GPC5: variants seen among roughly 807,000 people sequenced by gnomAD.
GPC5 encodes glypican 5.
A neutral mutation model predicts 53.9 loss-of-function variants in GPC5; 47 were observed. The observed-to-expected ratio is 0.87, with a 90% CI of 0.69 to 1.11. GPC5 has a LOEUF of 1.11. GPC5 is among the 50% of genes most tolerant of loss of function. The probability of loss-of-function intolerance (pLI) is 0.00; values close to 1 mark genes in which losing one functional copy is unlikely to be tolerated. For missense variants in GPC5, 748 were observed against 713.1 expected (o/e 1.05, Z -0.56); for synonymous variants, 286 against 263.3 (o/e 1.09, Z -0.84).
At chr13:92,487,919 T>A (rs1387238253) in intron 7 of GPC5, among the ~76,000 whole-genome samples, 1 of 149,920 alleles carries the variant, frequency 6.7e-6, no homozygotes, top group Non-Finnish European at 1.5e-5. Context: ...TGAGAAGAGG[T>A]AAGGATTAGT....
rs148462929 is a variant in GPC5, at chr13:91,934,595, T to C, written c.1401+26538T>C. The stretch of plus-strand genomic sequence containing the variant: ...AAGTTTTGTTTTGAAACAGAATAGA[T>C]AGCAGCTGAAGAATTTACACTGACT... On this transcript the variant is annotated intron_variant, in intron 6 of 7. Coordinates refer to ENST00000377067, the MANE Select transcript of GPC5 (RefSeq NM_004466.6). Among the ~76,000 whole-genome samples, 11 of 152,086 alleles carry C rather than the reference T, an allele frequency of 7.2e-5. No homozygotes were observed. The East Asian group carries it at 2.1e-3, about 29-fold the overall frequency.
At chr13:92,474,675 ATTC>A (rs1372273277) in intron 7 of GPC5, among the ~76,000 whole-genome samples, 5 of 151,964 alleles carry the variant, frequency 3.3e-5, no homozygotes, top group African/African-American at 9.7e-5. Flanking sequence ...AGAAATACAT[ATTC>A]TCAATAGCTA....
At chr13:91,483,313 A>G (rs552320783) in intron 2 of GPC5, among the ~76,000 whole-genome samples, 4 of 152,338 alleles carry the variant, frequency 2.6e-5, no homozygotes, top group Middle Eastern at 3.4e-3. Flanking sequence ...TGATGGCTCA[A>G]ATAAGGCCTT....
chr13:92,765,363 A>T (rs1875361267), intron 7 of GPC5, among the ~76,000 whole-genome samples: 1 of 152,328 alleles, frequency 6.6e-6, no homozygotes, highest in South Asian at 2.1e-4. Context: ...GCATCATTCT[A>T]CAGACAAATA....
In GPC5 at chr13:92,515,963, G is replaced by A. The variant is rs111398603; in HGVS notation, c.1562-350319G>A. Among the ~76,000 whole-genome samples, 20 of 152,198 alleles carry A rather than the reference G, an allele frequency of 1.3e-4. No individual in the cohort carries two copies. The East Asian group carries it at 1.5e-3, about 12-fold the overall frequency. ...AAAATCAGACAAGAAGCACTTAAGC[G>A]TAAAAGTAGCATTAGACTTTTTCTA... On this transcript the variant is annotated intron_variant, in intron 7 of 7. Transcript: ENST00000377067.
intron 7 of GPC5, among the ~76,000 whole-genome samples, chr13:92,778,208 T>A (rs1281482550): frequency 6.6e-6 from 1 of 150,532 alleles, no homozygotes; most frequent in Non-Finnish European, 1.5e-5. Context: ...GTGATCTGAG[T>A]GACAACTTTT....
At position 92,362,961 on chromosome 13, in the gene GPC5, C is replaced by T. The variant is rs58105294; in HGVS notation, c.1561+217972C>T. ...GGCTATTGCACAGGACGGGAAACCTCGTCAGAGCCTGACAGTCTTGCAGAG... is the reference window on the plus strand; with the variant it reads ...GGCTATTGCACAGGACGGGAAACCTTGTCAGAGCCTGACAGTCTTGCAGAG... On this transcript the variant is annotated intron_variant, in intron 7 of 7. Transcript: ENST00000377067. Among the ~76,000 whole-genome samples, 474 of 151,742 alleles carry T rather than the reference C, an allele frequency of 3.1e-3. 20 individuals carry two copies. Among genetic ancestry groups the T allele is most frequent in the African/African-American group, 0.011 (445 of 41,050 alleles).
chr13:91,522,235 G>A (rs1885857145), intron 2 of GPC5, among the ~76,000 whole-genome samples: 1 of 152,186 alleles, frequency 6.6e-6, no homozygotes, highest in Non-Finnish European at 1.5e-5. Flanking sequence ...GGTTGCGGGT[G>A]GGGCTGCAAG....
chr13:91,820,519 G>A (rs2038475225), intron 5 of GPC5, among the ~76,000 whole-genome samples: 1 of 152,052 alleles, frequency 6.6e-6, no homozygotes. Flanking sequence ...TATCTAATTT[G>A]TCAAGCGTCC....
intron 7 of GPC5, among the ~76,000 whole-genome samples, chr13:92,189,827 T>G (rs1177698606): frequency 6.6e-6 from 1 of 152,138 alleles, no homozygotes; most frequent in Non-Finnish European, 1.5e-5. Flanking sequence ...TTCAATGGGC[T>G]CATTAGTATA....
chr13:92,795,234 A>G (rs922442625), intron 7 of GPC5, among the ~76,000 whole-genome samples: 1 of 152,160 alleles, frequency 6.6e-6, no homozygotes, highest in Non-Finnish European at 1.5e-5. Flanking sequence ...AACACCACAC[A>G]TCTACAACCA....
chr13:92,002,846 C>A (rs760705358), intron 6 of GPC5, among the ~76,000 whole-genome samples: 1 of 152,208 alleles, frequency 6.6e-6, no homozygotes, highest in Non-Finnish European at 1.5e-5. Flanking sequence ...AAACTCTTCC[C>A]TGTGCCAGCA....
intron 7 of GPC5, among the ~76,000 whole-genome samples, chr13:92,445,492 A>T (rs1877774761): frequency 1.8e-5 from 2 of 108,462 alleles, no homozygotes; most frequent in Admixed American, 1.3e-4. Flanking sequence ...CAGTCCCCAG[A>T]GTGTGATGTT....
At chr13:91,701,152 A>G (rs1489078158) in intron 3 of GPC5, among the ~76,000 whole-genome samples, 1 of 152,172 alleles carries the variant, frequency 6.6e-6, no homozygotes, top group Non-Finnish European at 1.5e-5. Context: ...TATATGTGAA[A>G]TAATTAAAAT....
At chr13:92,187,836 A>C (rs1233349940) in intron 7 of GPC5, among the ~76,000 whole-genome samples, 2 of 152,200 alleles carry the variant, frequency 1.3e-5, no homozygotes, top group Non-Finnish European at 2.9e-5. Context: ...TGTTCAGTAC[A>C]ATATTCTCAG....
intron 4 of GPC5, among the ~76,000 whole-genome samples, chr13:91,730,108 A>G (rs1026436405): frequency 6.6e-6 from 1 of 152,210 alleles, no homozygotes; most frequent in Non-Finnish European, 1.5e-5. Context: ...GTCTCCTGCC[A>G]CACGGAGTGA....
chr13:92,682,964 C>T (rs756481084), intron 7 of GPC5, among the ~76,000 whole-genome samples: 3 of 152,036 alleles, frequency 2.0e-5, no homozygotes, highest in Admixed American at 6.6e-5. Context: ...AAAATACACA[C>T]GGCCAAGAAT....
intron 5 of GPC5, among the ~76,000 whole-genome samples, chr13:91,820,905 G>T (rs2038483481): frequency 1.3e-5 from 2 of 151,988 alleles, no homozygotes; most frequent in South Asian, 4.1e-4. Context: ...GGAGCTTGCA[G>T]TGAGCTGAGA....
chr13:92,818,395 TA>T lies in GPC5; in HGVS notation c.1562-47883del, dbSNP rs1247170855. Among the ~76,000 whole-genome samples, 4 of 152,146 alleles carry T rather than the reference TA, an allele frequency of 2.6e-5. No individual in the cohort carries two copies. The East Asian group carries it at 7.7e-4, about 29-fold the overall frequency. On this transcript the variant is annotated intron_variant, in intron 7 of 7. Transcript: ENST00000377067. The stretch of plus-strand genomic sequence containing the variant: ...TCTTTATTAAAAAATAATTCTTTAT[TA>T]AAACTAAAAGCCTTTAATCTAAGTA...
Sources: gnomAD v4.1 joint callset for allele counts (sites outside exome capture counted in the v4.1 genomes callset) on GRCh38, gnomAD v4.1.1 for gene constraint, MANE v1.5 for transcripts, NCBI Gene and HGNC (gene_info 2026-07-23, HGNC 2026-07-21) for gene names.